CACNB4: variants seen among roughly 807,000 people sequenced by gnomAD.
The protein encoded by CACNB4 is voltage-dependent L-type calcium channel subunit beta-4.
CACNB4 carries 32 observed loss-of-function variants against 71.2 expected under a neutral mutation model. The ratio of observed to expected loss-of-function variants is 0.45; its 90% CI spans 0.34 to 0.60. The LOEUF (loss-of-function observed/expected upper bound fraction) is 0.60. Among genes scored for constraint, CACNB4 ranks in the 20% least tolerant of loss-of-function variants. CACNB4 has a pLI of 0.01. For missense variants in CACNB4, 464 were observed against 647.9 expected, an observed-to-expected ratio of 0.72 and a Z score of 3.08; for synonymous variants, 231 against 236.9, an observed-to-expected ratio of 0.97 and a Z score of 0.23.
intron 2 of CACNB4, among the ~76,000 whole-genome samples, chr2:152,052,136 C>T (rs1012330202): frequency 6.6e-6 from 1 of 152,202 alleles, no homozygotes; most frequent in Admixed American, 6.5e-5. Context: ...GCCTACTGAA[C>T]ATCATAGCTT....
At chr2:151,975,700 T>G (rs569899565) in intron 2 of CACNB4, among the ~76,000 whole-genome samples, 1 of 152,226 alleles carries the variant, frequency 6.6e-6, no homozygotes, top group Non-Finnish European at 1.5e-5. Flanking sequence ...TGTGCTCAAA[T>G]TCATGTGTCA....
chr2:151,886,533 C>G (rs974254242), intron 2 of CACNB4, among the ~76,000 whole-genome samples: 2 of 152,206 alleles, frequency 1.3e-5, no homozygotes, highest in African/African-American at 4.8e-5. Flanking sequence ...CTGTAAGAAT[C>G]TCAAATCTAA....
intron 2 of CACNB4, among the ~76,000 whole-genome samples, chr2:151,941,629 G>A (rs965393696): frequency 6.6e-6 from 1 of 151,956 alleles, no homozygotes; most frequent in Non-Finnish European, 1.5e-5. Context: ...TGTAAGACTA[G>A]CATCTCCCCT....
chr2:151,999,693 G>A (rs1682285947), intron 2 of CACNB4, among the ~76,000 whole-genome samples: 1 of 152,096 alleles, frequency 6.6e-6, no homozygotes, highest in South Asian at 2.1e-4. Flanking sequence ...TAAATCATTA[G>A]CAGCCATTTC....
chr2:151,883,743 T>A (rs2099848565), intron 2 of CACNB4: 1 of 303,702 alleles, frequency 3.3e-6, no homozygotes, highest in South Asian at 3.1e-5. Context: ...AGACTCAGCT[T>A]ATTACAAAAG....
At chr2:151,889,700 T>G (rs1169255210) in intron 2 of CACNB4, among the ~76,000 whole-genome samples, 1 of 152,170 alleles carries the variant, frequency 6.6e-6, no homozygotes, top group Non-Finnish European at 1.5e-5. Flanking sequence ...TTAGGCTATC[T>G]TTATCTTGAC....
chr2:152,007,113 C>G (rs1336306022), intron 2 of CACNB4, among the ~76,000 whole-genome samples: 1 of 152,198 alleles, frequency 6.6e-6, no homozygotes, highest in African/African-American at 2.4e-5. Flanking sequence ...CTTACTGTTA[C>G]CATTTTATCC....
Position 151,907,061 on chromosome 2 carries a change from C to CT in CACNB4, c.148-23692dup, listed in dbSNP as rs921568063. 6.3e-4 allele frequency among the ~76,000 whole-genome samples: 94 copies of CT among 149,604 alleles called. No homozygotes were observed. The East Asian group carries it at 0.011, about 17-fold the overall frequency. ...GGTGAAAACCACATTTTATCCATCT[C>CT]TTTTTTTTTTCCTTGAGTTAAACTC... is the stretch of plus-strand genomic sequence containing the variant. On this transcript the variant is annotated intron_variant, in intron 2 of 13. Transcript: ENST00000539935.
At chr2:152,060,683 A>C (rs1685960048) in intron 2 of CACNB4, among the ~76,000 whole-genome samples, 1 of 152,216 alleles carries the variant, frequency 6.6e-6, no homozygotes, top group Non-Finnish European at 1.5e-5. Context: ...AGAAAATATA[A>C]GATATTGGAA....
chr2:152,081,433 A>G (rs1687347905), intron 2 of CACNB4, among the ~76,000 whole-genome samples: 1 of 152,080 alleles, frequency 6.6e-6, no homozygotes, highest in South Asian at 2.1e-4. Flanking sequence ...TGGGAGGATT[A>G]CTTGAGCCAG....
rs1205414298 is a variant in CACNB4, at chr2:151,869,060, A to G, written c.758+117T>C. 4.5e-6 allele frequency: 3 copies of G among 661,698 alleles called. No homozygotes were observed. In the African/African-American group the frequency reaches 5.5e-5, roughly 12 times the overall value. 41.0% of individuals were successfully genotyped at this position (661,698 alleles called of 1,614,324 possible). On this transcript the variant is annotated intron_variant, in intron 9 of 13. Transcript: ENST00000539935. ...TATTATATTCTTCCCAAGAATACTG[A>G]GTTAACTTTTAACTAGAGAACTTCT...
chr2:151,883,888 C>T (rs1022788194), intron 2 of CACNB4: 5 of 201,360 alleles, frequency 2.5e-5, no homozygotes, highest in African/African-American at 4.7e-5. Context: ...ACTACTAAAA[C>T]TTCAATCATT....
intron 2 of CACNB4, among the ~76,000 whole-genome samples, chr2:151,887,641 A>G (rs781704811): frequency 2.0e-5 from 3 of 152,196 alleles, no homozygotes; most frequent in Admixed American, 6.5e-5. Flanking sequence ...GACAGCAGCC[A>G]TGGCTGTTGG....
At chr2:151,988,626 G>A (rs998266178) in intron 2 of CACNB4, among the ~76,000 whole-genome samples, 4 of 152,164 alleles carry the variant, frequency 2.6e-5, no homozygotes, top group East Asian at 1.9e-4. Context: ...CAAGGTAGTA[G>A]AGTCGGGGTC....
intron 2 of CACNB4, among the ~76,000 whole-genome samples, chr2:151,948,800 G>A (rs991524288): frequency 6.6e-6 from 1 of 152,192 alleles, no homozygotes; most frequent in Non-Finnish European, 1.5e-5. Flanking sequence ...GGAATAAGGT[G>A]GGACTGGGAG....
At chr2:151,953,779 A>T (rs967258687) in intron 2 of CACNB4, among the ~76,000 whole-genome samples, 9 of 152,200 alleles carry the variant, frequency 5.9e-5, no homozygotes, top group Admixed American at 3.3e-4. Context: ...AAGAGTTATC[A>T]TCTCTAGCAC....
At chr2:151,869,042 T>C in intron 9 of CACNB4, 135 bp downstream of exon 9, 1 of 609,782 alleles carries the variant, frequency 1.6e-6, no homozygotes, top group Non-Finnish European at 2.9e-6. Context: ...TTTTATTATA[T>C]TCTTCCCAAG....
intron 2 of CACNB4, among the ~76,000 whole-genome samples, chr2:152,036,223 C>A (rs1238425276): frequency 3.9e-5 from 6 of 152,148 alleles, no homozygotes; most frequent in African/African-American, 1.2e-4. Context: ...TGAAAAAGTT[C>A]TAGGGATCTG....
chr2:151,902,005 T>C (rs1275420971), intron 2 of CACNB4, among the ~76,000 whole-genome samples: 1 of 151,456 alleles, frequency 6.6e-6, no homozygotes, highest in East Asian at 1.9e-4. Context: ...TTGGCAACGT[T>C]CTCCCTAGTG....
Sources: gnomAD v4.1 joint callset for allele counts (sites outside exome capture counted in the v4.1 genomes callset) on GRCh38, gnomAD v4.1.1 for gene constraint, MANE v1.5 for transcripts, NCBI Gene and HGNC (gene_info 2026-07-23, HGNC 2026-07-21) for gene names.